The following KCNH1 variants were observed in gnomAD, a reference collection of about 807,000 sequenced individuals.
KCNH1 encodes voltage-gated delayed rectifier potassium channel KCNH1.
KCNH1 carries 27 observed loss-of-function variants against 69.2 expected under a neutral mutation model. That is an observed-to-expected ratio of 0.39 (90% CI 0.29 to 0.54). The LOEUF is 0.54. KCNH1 is among the 20% of genes least tolerant of loss of function. The pLI is 0.68. For missense variants in KCNH1, 798 were observed against 1,261.6 expected, an observed-to-expected ratio of 0.63 and a Z score of 5.57; for synonymous variants, 456 against 487.7, an observed-to-expected ratio of 0.93 and a Z score of 0.86.
At chr1:210,728,779 T>C (rs1011514549) in intron 10 of KCNH1, among the ~76,000 whole-genome samples, 1 of 152,156 alleles carries the variant, frequency 6.6e-6, no homozygotes, top group Admixed American at 6.5e-5. Flanking sequence ...AAAGTACAGC[T>C]CTATATTTTG....
At chr1:210,864,426 C>A (rs1460009640) in intron 7 of KCNH1, among the ~76,000 whole-genome samples, 1 of 152,192 alleles carries the variant, frequency 6.6e-6, no homozygotes. Flanking sequence ...TTCCTCTCAA[C>A]TCAGCAAAAC....
At chr1:211,076,346 C>T (rs1690732871) in intron 5 of KCNH1, among the ~76,000 whole-genome samples, 1 of 152,208 alleles carries the variant, frequency 6.6e-6, no homozygotes, top group African/African-American at 2.4e-5. Context: ...CCGACTGACA[C>T]CTCACACAGG....
rs1056126124 is a variant in KCNH1, at chr1:210,814,240, A to G, written c.1463-10074T>C. Among the ~76,000 whole-genome samples, 8 of 152,170 alleles carry G rather than the reference A, an allele frequency of 5.3e-5. No homozygotes were observed. In the Middle Eastern group the frequency reaches 0.01, roughly 194 times the overall value. ...ATTTGGAATACTGGCTCCACTACCC[A>G]CTTCAGGATAATCATTTACTCTCTT... On this transcript the variant is annotated intron_variant, in intron 7 of 10. Transcript: ENST00000271751.
intron 1 of KCNH1, among the ~76,000 whole-genome samples, chr1:211,132,031 C>T (rs1691884352): frequency 1.3e-5 from 2 of 152,186 alleles, no homozygotes; most frequent in South Asian, 4.1e-4. Context: ...CTTAAGGTTC[C>T]CTTAAAACCC....
chr1:210,893,641 T>C (rs1427715544), intron 7 of KCNH1, among the ~76,000 whole-genome samples: 2 of 152,044 alleles, frequency 1.3e-5, no homozygotes, highest in Non-Finnish European at 2.9e-5. Flanking sequence ...TTGCTTTTTA[T>C]TTTTTAAATT....
Position 210,943,142 on chromosome 1 carries a change from C to T in KCNH1, c.1033-23073G>A, listed in dbSNP as rs561572673. The stretch of plus-strand genomic sequence containing the variant: ...TGTAGTAATGAACTGTTGGACAAGC[C>T]GCCATGAGGATGAGTTCTGTTGATT... On this transcript the variant is annotated intron_variant, in intron 6 of 10. Coordinates refer to ENST00000271751, the MANE Select transcript of KCNH1 (RefSeq NM_172362.3). 1.8e-4 allele frequency among the ~76,000 whole-genome samples: 28 copies of T among 152,092 alleles called. 1 individual carries two copies. The East Asian group carries it at 4.8e-3, about 26-fold the overall frequency.
At chr1:210,897,335 A>T (rs1686890241) in intron 7 of KCNH1, among the ~76,000 whole-genome samples, 1 of 152,208 alleles carries the variant, frequency 6.6e-6, no homozygotes, top group Non-Finnish European at 1.5e-5. Context: ...GGCGAGGGAG[A>T]TAATGGAGTG....
rs60773247 is a variant in KCNH1 at position 210,759,156 on chromosome 1, G to GACACACACACACACAC, written c.2112+16176_2112+16191dup. ...CCTATCCAAACCTATCCAAATGATA[G>GACACACACACACACAC]ACACACACACACACACACACATATT... On this transcript the variant is annotated intron_variant, in intron 10 of 10. Coordinates refer to ENST00000271751, the MANE Select transcript of KCNH1 (RefSeq NM_172362.3). Among the ~76,000 whole-genome samples the GACACACACACACACAC allele has an allele frequency of 4.6e-3, 679 of 148,576 alleles. 4 individuals carry two copies. The highest frequency in any genetic ancestry group is 0.014 in the African/African-American group (555 of 39,652).
chr1:211,090,777 A>T, intron 3 of KCNH1, 87 bp from the exon 4 acceptor site: 1 of 1,178,884 alleles, frequency 8.5e-7, no homozygotes. Flanking sequence ...GAATAGGTAC[A>T]AATATTAATT....
rs370857373 is a variant in KCNH1 at position 211,106,630 on chromosome 1, C to CAAAAA, written c.203+619_203+623dup. ...GAAACCCCCATCTCTACTAAAAATA[C>CAAAAA]AAAAAAAAAAAAAAATTAGCCAGGT... On this transcript the variant is annotated intron_variant, in intron 2 of 10. Transcript: ENST00000271751. Among the ~76,000 whole-genome samples, 1,002 of 137,678 alleles carry CAAAAA rather than the reference C, an allele frequency of 7.3e-3. 11 individuals carry two copies. Among genetic ancestry groups the CAAAAA allele is most frequent in the African/African-American group, 0.012 (431 of 36,706 alleles). 90.3% of individuals were successfully genotyped at this position (137,678 alleles called of 152,430 possible). A position where few individuals can be genotyped will look rare whatever the true frequency, so the allele number is the denominator to read the frequency against.
At chr1:210,957,762 C>T (rs1688207340) in intron 6 of KCNH1, among the ~76,000 whole-genome samples, 1 of 152,026 alleles carries the variant, frequency 6.6e-6, no homozygotes, top group Admixed American at 6.6e-5. Context: ...TTTCCATTTG[C>T]TTGGTAGATC....
chr1:211,082,653 A>G, intron 5 of KCNH1, 127 bp downstream of exon 5: 1 of 738,748 alleles, frequency 1.4e-6, no homozygotes, highest in East Asian at 2.5e-5. Context: ...GTGTAAGCCC[A>G]GCCAAGACAG....
At chr1:210,789,169 T>C (rs2102389970) in intron 9 of KCNH1, among the ~76,000 whole-genome samples, 1 of 152,256 alleles carries the variant, frequency 6.6e-6, no homozygotes, top group South Asian at 2.1e-4. Flanking sequence ...AATATTTACC[T>C]AGCAACTTCA....
At chr1:210,742,265 G>T (rs1297388285) in intron 10 of KCNH1, among the ~76,000 whole-genome samples, 1 of 152,194 alleles carries the variant, frequency 6.6e-6, no homozygotes, top group South Asian at 2.1e-4. Context: ...AATTTGGCTA[G>T]AATAAATCTT....
At chr1:210,977,431 C>T (rs1307979409) in intron 6 of KCNH1, among the ~76,000 whole-genome samples, 2 of 151,886 alleles carry the variant, frequency 1.3e-5, no homozygotes, top group African/African-American at 4.8e-5. Context: ...TACCCTAGAA[C>T]TTAAAGTATA....
At chr1:210,907,953 G>T (rs1486587935) in intron 7 of KCNH1, among the ~76,000 whole-genome samples, 2 of 152,218 alleles carry the variant, frequency 1.3e-5, no homozygotes, top group Admixed American at 6.5e-5. Context: ...CTGCTACTGT[G>T]ACTCTTTTCC....
chr1:210,884,185 A>T (rs913059845), intron 7 of KCNH1, among the ~76,000 whole-genome samples: 1 of 152,230 alleles, frequency 6.6e-6, no homozygotes, highest in African/African-American at 2.4e-5. Flanking sequence ...AGAGTTGTCA[A>T]CATTCCTCAC....
chr1:210,894,138 C>G (rs1433555435), intron 7 of KCNH1, among the ~76,000 whole-genome samples: 1 of 152,064 alleles, frequency 6.6e-6, no homozygotes, highest in Non-Finnish European at 1.5e-5. Context: ...TATTGAATGT[C>G]AGACATTGTG....
intron 1 of KCNH1, among the ~76,000 whole-genome samples, chr1:211,118,027 A>C (rs1691613766): frequency 6.6e-6 from 1 of 152,182 alleles, no homozygotes; most frequent in East Asian, 1.9e-4. Flanking sequence ...CAGGTGAACC[A>C]TGTTGTATCA....
Sources: gnomAD v4.1 joint callset for allele counts (sites outside exome capture counted in the v4.1 genomes callset) on GRCh38, gnomAD v4.1.1 for gene constraint, MANE v1.5 for transcripts, NCBI Gene and HGNC (gene_info 2026-07-23, HGNC 2026-07-21) for gene names.